Variants in RCL1 observed in about 807,000 individuals in gnomAD.
The protein encoded by RCL1 is RNA terminal phosphate cyclase like 1.
RCL1 carries 24 observed loss-of-function variants against 42.4 expected under a neutral mutation model. The observed-to-expected ratio is 0.57, with a 90% CI of 0.41 to 0.80. RCL1 has a LOEUF of 0.80. Ranked by LOEUF, RCL1 falls within the 30% of genes least tolerant of loss-of-function variation. RCL1 has a pLI of 0.00. For missense variants in RCL1, 578 were observed against 467.9 expected (o/e 1.24, Z -2.17); for synonymous variants, 228 against 177.3 (o/e 1.29, Z -2.27).
intron 1 of RCL1, among the ~76,000 whole-genome samples, chr9:4,807,629 C>G (rs1816022834): frequency 6.6e-6 from 1 of 152,160 alleles, no homozygotes; most frequent in African/African-American, 2.4e-5. Flanking sequence ...AAGTGATTCT[C>G]CTGCCTCAGC....
intron 8 of RCL1, among the ~76,000 whole-genome samples, chr9:4,855,275 C>A (rs1208219694): frequency 1.3e-5 from 2 of 151,784 alleles, no homozygotes; most frequent in Admixed American, 1.3e-4. Flanking sequence ...GCCCCTACTG[C>A]CTAGAATGGT....
chr9:4,819,943 A>T (rs1193605109), intron 1 of RCL1, among the ~76,000 whole-genome samples: 2 of 152,236 alleles, frequency 1.3e-5, no homozygotes, highest in Admixed American at 6.5e-5. Flanking sequence ...TGCATAAGAG[A>T]TCGTAAAATG....
intron 7 of RCL1, among the ~76,000 whole-genome samples, chr9:4,845,927 C>A (rs993929345): frequency 6.6e-6 from 1 of 152,180 alleles, no homozygotes. Flanking sequence ...TAAGTTTTCT[C>A]GTTTATGGTA....
At chr9:4,817,912 A>ATTTTTTTTTTTTTTTT (rs66886360) in intron 1 of RCL1, among the ~76,000 whole-genome samples, 4 of 78,366 alleles carry the variant, frequency 5.1e-5, no homozygotes, top group East Asian at 4.5e-4. Context: ...CTTTTCTAAG[A>ATTTTTTTTTTTTTTTT]TTTTTTTTTT....
At chr9:4,826,104 GA>G (rs956438341) in intron 2 of RCL1, among the ~76,000 whole-genome samples, 43 of 148,442 alleles carry the variant, frequency 2.9e-4, no homozygotes, top group African/African-American at 6.7e-4. Flanking sequence ...GAAAGAAAAA[GA>G]AAAAAAAAAT....
chr9:4,817,145 G>C (rs1186188577), intron 1 of RCL1, among the ~76,000 whole-genome samples: 3 of 8,508 alleles, frequency 3.5e-4, no homozygotes, highest in Admixed American at 2.9e-3. Context: ...TGAATGTTGG[G>C]GAAAAAAAAC....
chr9:4,824,537 T>G (rs1816694832), intron 2 of RCL1, among the ~76,000 whole-genome samples: 1 of 152,210 alleles, frequency 6.6e-6, no homozygotes. Flanking sequence ...ACATTTAGGT[T>G]GTTTCTAGCT....
At chr9:4,832,505 T>TA (rs1407290314) in intron 3 of RCL1, among the ~76,000 whole-genome samples, 1 of 152,156 alleles carries the variant, frequency 6.6e-6, no homozygotes, top group Admixed American at 6.5e-5. Flanking sequence ...CGTTTATACC[T>TA]ATAAGAATGA....
chr9:4,836,647 C>CT (rs556349385), intron 5 of RCL1: 50 of 129,928 alleles, frequency 3.8e-4, no homozygotes, highest in Admixed American at 2.3e-3. Context: ...CTTGTCAGGG[C>CT]GGGGGTGGGT....
At chr9:4,829,806 A>G (rs1816890914) in intron 3 of RCL1, among the ~76,000 whole-genome samples, 1 of 152,178 alleles carries the variant, frequency 6.6e-6, no homozygotes, top group African/African-American at 2.4e-5. Context: ...GCAGTGTGAC[A>G]ATACTGAATG....
chr9:4,795,537 TAATC>T (rs1842900472), intron 1 of RCL1, among the ~76,000 whole-genome samples: 1 of 152,240 alleles, frequency 6.6e-6, no homozygotes, highest in Admixed American at 6.5e-5. Context: ...TTTCTGGTCA[TAATC>T]AAGGGAGTCC....
intron 8 of RCL1, among the ~76,000 whole-genome samples, chr9:4,853,171 A>G (rs190332110): frequency 7.2e-5 from 11 of 152,186 alleles, no homozygotes; most frequent in Admixed American, 7.2e-4. Flanking sequence ...TCATAAGGGC[A>G]AAAAAGGCAA....
chr9:4,842,355 A>C (rs1190560178), intron 6 of RCL1, among the ~76,000 whole-genome samples: 3 of 152,108 alleles, frequency 2.0e-5, no homozygotes, highest in African/African-American at 7.2e-5. Flanking sequence ...AGAGTAAAGG[A>C]GGGGGGTGAG....
chr9:4,815,952 C>G (rs1312308826), intron 1 of RCL1, among the ~76,000 whole-genome samples: 2 of 152,062 alleles, frequency 1.3e-5, no homozygotes, highest in Admixed American at 6.5e-5. Flanking sequence ...GTGATAGAAG[C>G]TTGGCATTTC....
chr9:4,841,314 A>G lies in RCL1; in HGVS notation c.667A>G (p.Ile223Val), dbSNP rs150632400. The G allele has an allele frequency of 5.5e-5, 89 of 1,613,244 alleles. No individual in the cohort carries two copies. Among genetic ancestry groups the G allele is most frequent in the African/African-American group, 1.3e-4 (10 of 75,020 alleles). The stretch of plus-strand genomic sequence containing the variant: ...CATCCTCAACAAGTTCATACCTGAT[A>G]TCTATATTTACACAGATCACATGAA... ...RSILNKFIPD[I>V]YIYTDHMKGV... Residue 223 changes from isoleucine to valine, a missense_variant, in exon 6 of 9, where the codon ATC (isoleucine) becomes GTC (valine). By Grantham distance (29) the Ile-to-Val change is conservative. Transcript: ENST00000381750.
intron 5 of RCL1, among the ~76,000 whole-genome samples, chr9:4,840,499 A>G (rs190108542): frequency 4.2e-4 from 64 of 152,314 alleles, no homozygotes; most frequent in South Asian, 6.2e-4. Flanking sequence ...TCAAGCACCA[A>G]TCTTTTCACT....
At chr9:4,833,697 A>G (rs1008592109) in intron 4 of RCL1, among the ~76,000 whole-genome samples, 1 of 152,214 alleles carries the variant, frequency 6.6e-6, no homozygotes, top group Non-Finnish European at 1.5e-5. Flanking sequence ...TATCAATCCA[A>G]TGTGGTAAAC....
intron 3 of RCL1, among the ~76,000 whole-genome samples, chr9:4,828,801 G>A (rs1460047880): frequency 1.3e-5 from 2 of 152,152 alleles, no homozygotes; most frequent in Non-Finnish European, 2.9e-5. Context: ...AAGATCAGTT[G>A]ATGAATTTCT....
At chr9:4,840,136 A>C (rs897012563) in intron 5 of RCL1, among the ~76,000 whole-genome samples, 1 of 151,996 alleles carries the variant, frequency 6.6e-6, no homozygotes, top group Admixed American at 6.6e-5. Context: ...GATGGGTCAA[A>C]AAAGGGAGCT....
Sources: allele counts gnomAD v4.1 joint callset (sites outside exome capture counted in the v4.1 genomes callset), GRCh38; gene constraint gnomAD v4.1.1; transcripts MANE v1.5; gene names NCBI Gene and HGNC (gene_info 2026-07-23, HGNC 2026-07-21).